FHIT: variants seen among roughly 807,000 people sequenced by gnomAD.
FHIT encodes the protein bis(5'-adenosyl)-triphosphatase.
In FHIT, 19 loss-of-function variants were observed where a neutral mutation model predicts 17.9. That is an observed-to-expected ratio of 1.06 (90% CI 0.74 to 1.56). The LOEUF (loss-of-function observed/expected upper bound fraction) is 1.56. FHIT is among the 40% of genes most tolerant of loss of function. The probability of loss-of-function intolerance (pLI) is 0.00; values close to 1 mark genes in which losing one functional copy is unlikely to be tolerated. For synonymous variants in FHIT, 81 were observed against 69.7 expected (o/e 1.16, Z -0.81); for missense variants, 248 against 189.2 (o/e 1.31, Z -1.82).
At chr3:61,101,002 T>G (rs1329537679) in intron 2 of FHIT, among the ~76,000 whole-genome samples, 4 of 152,264 alleles carry the variant, frequency 2.6e-5, no homozygotes, top group Non-Finnish European at 5.9e-5. Context: ...TCCCCCATTC[T>G]ACAGGTTGCT....
intron 5 of FHIT, among the ~76,000 whole-genome samples, chr3:60,162,215 G>A (rs1400102756): frequency 2.0e-5 from 3 of 152,140 alleles, no homozygotes; most frequent in African/African-American, 7.2e-5. Context: ...CAATAAAGGA[G>A]AGACCATTTT....
intron 5 of FHIT, among the ~76,000 whole-genome samples, chr3:60,114,120 A>G (rs1704837141): frequency 7.0e-6 from 1 of 143,400 alleles, no homozygotes. Flanking sequence ...ATAAAAATAA[A>G]AAATACATTA....
chr3:59,839,349 AG>A (rs1701451167), intron 8 of FHIT, among the ~76,000 whole-genome samples: 1 of 151,850 alleles, frequency 6.6e-6, no homozygotes, highest in Non-Finnish European at 1.5e-5. Flanking sequence ...AAAAGAAAAA[AG>A]AAAACCACCT....
intron 5 of FHIT, among the ~76,000 whole-genome samples, chr3:60,350,326 A>G (rs1711023638): frequency 6.6e-6 from 1 of 152,164 alleles, no homozygotes; most frequent in Admixed American, 6.5e-5. Context: ...TGGCAAGCCC[A>G]TATCCCAACT....
At chr3:60,098,991 G>A (rs551165722) in intron 5 of FHIT, among the ~76,000 whole-genome samples, 1 of 152,206 alleles carries the variant, frequency 6.6e-6, no homozygotes, top group Non-Finnish European at 1.5e-5. Flanking sequence ...ATATGGAAAG[G>A]ATAGGCCAAT....
intron 4 of FHIT, among the ~76,000 whole-genome samples, chr3:60,606,601 T>A (rs1267713014): frequency 6.6e-6 from 1 of 152,140 alleles, no homozygotes; most frequent in African/African-American, 2.4e-5. Flanking sequence ...ACCATTAGGA[T>A]AGTGAATTGG....
chr3:60,672,619 A>T (rs2107844964), intron 4 of FHIT, among the ~76,000 whole-genome samples: 1 of 152,276 alleles, frequency 6.6e-6, no homozygotes, highest in African/African-American at 2.4e-5. Context: ...GTCACAGGGG[A>T]TGCGATGGCT....
At chr3:60,928,367 T>TAAAAAAAAAAAA (rs34316880) in intron 3 of FHIT, among the ~76,000 whole-genome samples, 1 of 131,624 alleles carries the variant, frequency 7.6e-6, no homozygotes, top group Non-Finnish European at 1.6e-5. Context: ...GAAAGAACTT[T>TAAAAAAAAAAAA]AAAAAAAAAA....
intron 3 of FHIT, among the ~76,000 whole-genome samples, chr3:60,884,339 T>C (rs985929203): frequency 6.6e-6 from 1 of 152,164 alleles, no homozygotes; most frequent in African/African-American, 2.4e-5. Flanking sequence ...ATCTACAATG[T>C]GACCCAGCAA....
At chr3:60,041,725 G>T (rs60458864) in intron 5 of FHIT, among the ~76,000 whole-genome samples, 52,300 of 152,024 alleles carry the variant, frequency 0.34, 10,316 homozygotes, top group Middle Eastern at 0.55. Flanking sequence ...AAGAAACTTG[G>T]ATTTCTGTTG....
At chr3:59,819,662 T>C (rs138165097) in intron 8 of FHIT, among the ~76,000 whole-genome samples, 357 of 152,296 alleles carry the variant, frequency 2.3e-3, no homozygotes, top group African/African-American at 8.3e-3. Flanking sequence ...ATATGTCTTG[T>C]TTTTGTTGTT....
intron 5 of FHIT, among the ~76,000 whole-genome samples, chr3:60,469,296 T>G (rs2032960004): frequency 6.6e-6 from 1 of 152,152 alleles, no homozygotes; most frequent in African/African-American, 2.4e-5. Context: ...TAGATTGCCC[T>G]TTTGAGGCTA....
chr3:60,889,498 A>G (rs1705398264), intron 3 of FHIT, among the ~76,000 whole-genome samples: 1 of 152,204 alleles, frequency 6.6e-6, no homozygotes, highest in Non-Finnish European at 1.5e-5. Context: ...TTTAATAGCT[A>G]CAATCTATAG....
chr3:60,106,072 G>T (rs58527891), intron 5 of FHIT, among the ~76,000 whole-genome samples: 13,506 of 152,198 alleles, frequency 0.089, 1,292 homozygotes, highest in East Asian at 0.44. Flanking sequence ...TCTGGAGCGG[G>T]AATCTTTCCT....
At position 60,183,359 on chromosome 3, in the gene FHIT, G is replaced by A. The variant is rs367609065; in HGVS notation, c.104-169207C>T. 4.6e-5 allele frequency among the ~76,000 whole-genome samples: 7 copies of A among 152,242 alleles called. No homozygotes were observed. In the East Asian group the frequency reaches 9.7e-4, roughly 21 times the overall value. On this transcript the variant is annotated intron_variant, in intron 5 of 9. Coordinates refer to ENST00000492590, the MANE Select transcript of FHIT (RefSeq NM_002012.4). ...GTTGCAGTGAGCTGAAATCACACCA[G>A]TGCACTCAAATCTGGGCAACAGAGT...
intron 4 of FHIT, among the ~76,000 whole-genome samples, chr3:60,795,951 T>A (rs1700966555): frequency 6.6e-6 from 1 of 152,100 alleles, no homozygotes; most frequent in Middle Eastern, 3.4e-3. Context: ...GAAAAAGAGG[T>A]TTAATTAGAC....
intron 5 of FHIT, among the ~76,000 whole-genome samples, chr3:60,301,309 A>G (rs971482358): frequency 6.6e-6 from 1 of 152,214 alleles, no homozygotes; most frequent in Non-Finnish European, 1.5e-5. Context: ...GTGTTTCACC[A>G]TAGCCTTATG....
intron 8 of FHIT, among the ~76,000 whole-genome samples, chr3:59,854,342 T>A (rs1702064850): frequency 2.0e-5 from 3 of 152,154 alleles, no homozygotes; most frequent in Admixed American, 2.0e-4. Context: ...ATACGTCTGA[T>A]AAATAATTGA....
intron 5 of FHIT, among the ~76,000 whole-genome samples, chr3:60,191,903 G>A (rs1328778458): frequency 6.6e-6 from 1 of 152,008 alleles, no homozygotes; most frequent in Non-Finnish European, 1.5e-5. Context: ...GAAAAGTTCA[G>A]ATAATACAAA....
Sources: gnomAD v4.1 joint callset for allele counts (sites outside exome capture counted in the v4.1 genomes callset) on GRCh38, gnomAD v4.1.1 for gene constraint, MANE v1.5 for transcripts, NCBI Gene and HGNC (gene_info 2026-07-23, HGNC 2026-07-21) for gene names.